Variants in CAPN13 observed in about 807,000 individuals in gnomAD.
The protein encoded by CAPN13 is calpain-13.
Under a neutral mutation model 98.4 loss-of-function variants are expected in CAPN13, and 90 were observed. That is an observed-to-expected ratio of 0.92 (90% CI 0.77 to 1.09). The LOEUF is 1.09. Among genes scored for constraint, CAPN13 ranks in the 50% least tolerant of loss-of-function variants. CAPN13 has a pLI of 0.00. For synonymous variants in CAPN13, 330 were observed against 305.5 expected (o/e 1.08, Z -0.84); for missense variants, 887 against 841.3 (o/e 1.05, Z -0.67).
At chr2:30,806,951 C>A (rs1675664261) in intron 1 of CAPN13, among the ~76,000 whole-genome samples, 1 of 152,184 alleles carries the variant, frequency 6.6e-6, no homozygotes, top group African/African-American at 2.4e-5. Context: ...ATGATTTCTG[C>A]CATCAATGTG....
chr2:30,798,345 T>C (rs1182536410), intron 1 of CAPN13, among the ~76,000 whole-genome samples: 1 of 152,164 alleles, frequency 6.6e-6, no homozygotes, highest in Admixed American at 6.5e-5. Flanking sequence ...GCTGGATGAC[T>C]CTACACGGGG....
chr2:30,753,569 A>G lies in CAPN13; in HGVS notation c.942-371T>C, dbSNP rs1024678982. ...GCTTTTCCCCTAGGGTGTTTTGCCA[A>G]ATTTATTGTTGAGGTCTTTATCAGC... On this transcript the variant is annotated intron_variant, in intron 9 of 22. Coordinates refer to ENST00000295055, the MANE Select transcript of CAPN13 (RefSeq NM_144575.3). Among the ~76,000 whole-genome samples the G allele has an allele frequency of 2.6e-5, 4 of 152,244 alleles. No individual in the cohort carries two copies. The East Asian group carries it at 7.7e-4, about 29-fold the overall frequency.
In CAPN13 at chr2:30,741,959, G is replaced by A. The variant is rs764127658; in HGVS notation, c.1485C>T (p.Ser495=). 6.2e-7 allele frequency: 1 copy of A among 1,613,714 alleles called. No homozygotes were observed. Among genetic ancestry groups the A allele is most frequent in the African/African-American group, 1.3e-5 (1 of 74,912 alleles). The change falls in exon 15 of 23, where the codon AGC becomes AGT. Residue 495 remains serine, a synonymous_variant. Coordinates refer to ENST00000295055, the MANE Select transcript of CAPN13 (RefSeq NM_144575.3). ...SSHFNLRMKG[S]PSEHGSQQSI... ...TTTGTTGGGAGCCATGTTCTGAAGG[G>A]CTTCCCTGGATCAAAGGGAAAATAG...
At chr2:30,757,929 T>G (rs1260912388) in intron 8 of CAPN13, 117 bp downstream of exon 8, 1 of 728,504 alleles carries the variant, frequency 1.4e-6, no homozygotes, top group Non-Finnish European at 2.2e-6. Context: ...AGGTGTGAGC[T>G]GGACAGGCCT....
intron 22 of CAPN13, chr2:30,729,597 G>A (rs1423283127): frequency 6.6e-6 from 1 of 152,150 alleles, no homozygotes; most frequent in East Asian, 1.9e-4. Flanking sequence ...TTTTTAAAAA[G>A]GAGTGAAAGG....
intron 1 of CAPN13, 115 bp from the exon 2 acceptor site, chr2:30,787,472 A>C: frequency 1.4e-6 from 1 of 713,400 alleles, no homozygotes; most frequent in Non-Finnish European, 2.2e-6. Context: ...ACTGAGACTA[A>C]GTCTGCACTG....
chr2:30,761,689 C>T (rs961311035), intron 7 of CAPN13, among the ~76,000 whole-genome samples: 1 of 152,244 alleles, frequency 6.6e-6, no homozygotes, highest in African/African-American at 2.4e-5. Flanking sequence ...TAACAGCTCT[C>T]TTTCCATGAA....
At chr2:30,749,895 G>A (rs2147986330) in intron 11 of CAPN13, among the ~76,000 whole-genome samples, 1 of 152,238 alleles carries the variant, frequency 6.6e-6, no homozygotes, top group East Asian at 1.9e-4. Context: ...ATTTTCTTTT[G>A]TAGCTTTTTT....
At chr2:30,780,178 A>G (rs965565299) in intron 2 of CAPN13, among the ~76,000 whole-genome samples, 16 of 152,242 alleles carry the variant, frequency 1.1e-4, no homozygotes, top group African/African-American at 3.9e-4. Flanking sequence ...GCTTACAGGT[A>G]CATGCAGTTT....
At chr2:30,743,228 C>G (rs930369066) in intron 13 of CAPN13, 155 bp downstream of exon 13, 2 of 717,380 alleles carry the variant, frequency 2.8e-6, no homozygotes, top group Admixed American at 2.3e-5. Context: ...CTCGCTCCCC[C>G]TTTATGGTGA....
Position 30,743,437 on chromosome 2 carries a change from CTCCGTGTCTGTGCAACCACAACATAGT to C in CAPN13, c.1364_1390del (p.Asn455_Arg463del), listed in dbSNP as rs778545227. The stretch of plus-strand genomic sequence containing the variant: ...TCGGAGCAAGAACTCCGCTGATTTT[CTCCGTGTCTGTGCAACCACAACATAGT>C]TCCCAGGGCTCAGATGGTAAGTCAT... On this transcript the variant is annotated inframe_deletion, in exon 13 of 23. Transcript: ENST00000295055. The C allele has an allele frequency of 2.5e-6, 4 of 1,613,928 alleles. No individual in the cohort carries two copies. In the Admixed American group the frequency reaches 6.7e-5, roughly 27 times the overall value.
chr2:30,787,244 A>G lies in CAPN13; in HGVS notation c.82T>C (p.Cys28Arg). 4 of 1,612,984 alleles carry G rather than the reference A, an allele frequency of 2.5e-6. No individual in the cohort carries two copies. The highest frequency in any genetic ancestry group is 1.7e-4 in the Middle Eastern group (1 of 6,060). The change falls in exon 2 of 23, where the codon TGC becomes CGC. Residue 28 changes from cysteine (C) to arginine (R), a missense_variant. Transcript: ENST00000295055. ...TTAAACGTCCGGCCCATGCTCAGGC[A>G]GTGATCCCGCAAGGTGGTAAAGTCC... ...DQDFTTLRDH[C>R]LSMGRTFKDE...
chr2:30,734,672 G>C (rs1671269515), intron 18 of CAPN13, 148 bp from the exon 19 acceptor site: 2 of 674,774 alleles, frequency 3.0e-6, no homozygotes, highest in East Asian at 5.4e-5. Context: ...GCCACACCTG[G>C]TGAACTGACC....
chr2:30,734,237 A>G (rs1406466465), intron 19 of CAPN13, among the ~76,000 whole-genome samples: 1 of 152,198 alleles, frequency 6.6e-6, no homozygotes, highest in East Asian at 1.9e-4. Context: ...GGAAAATTGA[A>G]TGGCACGTGA....
At chr2:30,738,551 G>A in intron 15 of CAPN13, 94 bp from the exon 16 acceptor site, 1 of 1,321,054 alleles carries the variant, frequency 7.6e-7, no homozygotes. Flanking sequence ...AGATTTCCAA[G>A]CACTTAGTCC....
chr2:30,734,839 A>G (rs568206726), intron 18 of CAPN13, among the ~76,000 whole-genome samples: 23 of 152,102 alleles, frequency 1.5e-4, no homozygotes, highest in Middle Eastern at 3.4e-3. Flanking sequence ...GTAGTGGTTA[A>G]GAGCACAGGC....
intron 2 of CAPN13, among the ~76,000 whole-genome samples, chr2:30,781,178 G>C (rs993595617): frequency 2.0e-5 from 3 of 152,222 alleles, no homozygotes; most frequent in African/African-American, 7.2e-5. Flanking sequence ...CAGCTTCAGA[G>C]AAGTTGACCG....
chr2:30,744,375 A>T (rs1671806546), intron 12 of CAPN13, among the ~76,000 whole-genome samples: 1 of 152,226 alleles, frequency 6.6e-6, no homozygotes, highest in African/African-American at 2.4e-5. Context: ...GGAGGGTGGC[A>T]TCTCCAACGC....
rs757421069 is a variant in CAPN13 at position 30,796,172 on chromosome 2, G to GTATA, written c.-32-8819_-32-8816dup. On this transcript the variant is annotated intron_variant, in intron 1 of 22. Coordinates refer to ENST00000295055, the MANE Select transcript of CAPN13 (RefSeq NM_144575.3). ...TATATATATATACATATATATGTGT[G>GTATA]TATATATATATACATATATATGTGT... Among the ~76,000 whole-genome samples the GTATA allele has an allele frequency of 3.5e-3, 475 of 136,154 alleles. 7 individuals carry two copies. Among genetic ancestry groups the GTATA allele is most frequent in the African/African-American group, 0.013 (415 of 31,620 alleles). 89.3% of individuals were successfully genotyped at this position (136,154 alleles called of 152,430 possible).
Sources: allele counts gnomAD v4.1 joint callset (sites outside exome capture counted in the v4.1 genomes callset), GRCh38; gene constraint gnomAD v4.1.1; transcripts MANE v1.5; gene names NCBI Gene and HGNC (gene_info 2026-07-23, HGNC 2026-07-21).